NALF1: variants seen among roughly 807,000 people sequenced by gnomAD.
NALF1 encodes the protein family with sequence similarity 155 member A.
A neutral mutation model predicts 48.4 loss-of-function variants in NALF1; 3 were observed. The observed-to-expected ratio is 0.06, with a 90% CI of 0.03 to 0.16. The LOEUF is 0.16. Among genes scored for constraint, NALF1 ranks in the 10% least tolerant of loss-of-function variants. NALF1 has a pLI of 1.00. For synonymous variants in NALF1, 262 were observed against 245.7 expected, an observed-to-expected ratio of 1.07 and a Z score of -0.62; for missense variants, 526 against 571.5, an observed-to-expected ratio of 0.92 and a Z score of 0.81.
intron 1 of NALF1, among the ~76,000 whole-genome samples, chr13:107,630,057 G>C (rs1879790788): frequency 6.6e-6 from 1 of 152,050 alleles, no homozygotes; most frequent in Non-Finnish European, 1.5e-5. Flanking sequence ...TCTTCGCCTA[G>C]TTAGATCAAC....
At chr13:107,613,861 T>C (rs1339344765) in intron 1 of NALF1, among the ~76,000 whole-genome samples, 1 of 152,220 alleles carries the variant, frequency 6.6e-6, no homozygotes, top group Non-Finnish European at 1.5e-5. Context: ...ACAAGAAATC[T>C]ACACTCATGG....
At chr13:107,765,720 T>A (rs1190749077) in intron 1 of NALF1, among the ~76,000 whole-genome samples, 1 of 152,320 alleles carries the variant, frequency 6.6e-6, no homozygotes, top group Non-Finnish European at 1.5e-5. Flanking sequence ...GCATCATTTA[T>A]GAAACCTGGT....
At position 107,166,704 on chromosome 13, in the gene NALF1, A is replaced by C. The variant is rs1281625103; in HGVS notation, c.*3793T>G. 6.6e-6 allele frequency: 1 copy of C among 152,106 alleles called. No individual in the cohort carries two copies. The highest frequency in any genetic ancestry group is 2.4e-5 in the African/African-American group (1 of 41,418). The allele number at this position is 152,106 out of a possible 1,614,324, so 9.4% of individuals were successfully genotyped here. A position where few individuals can be genotyped will look rare whatever the true frequency, so the allele number is the denominator to read the frequency against. On this transcript the variant is annotated 3_prime_UTR_variant, in exon 3 of 3. Coordinates refer to ENST00000375915, the MANE Select transcript of NALF1 (RefSeq NM_001080396.3). ...ATGTTTTTTTCCCCCGGAAAAAAGT[A>C]TGTACTTATTCATTCATATGAAACC...
At chr13:107,238,785 C>T (rs902813675) in intron 1 of NALF1, among the ~76,000 whole-genome samples, 8 of 152,216 alleles carry the variant, frequency 5.3e-5, no homozygotes, top group Middle Eastern at 3.4e-3. Flanking sequence ...TGAAACCCAA[C>T]GGTGAGGTCA....
intron 1 of NALF1, among the ~76,000 whole-genome samples, chr13:107,323,942 C>A (rs1454797825): frequency 6.6e-6 from 1 of 152,056 alleles, no homozygotes; most frequent in Non-Finnish European, 1.5e-5. Context: ...AGACCCTATC[C>A]CTATGAATAA....
At chr13:107,286,172 TG>T in intron 1 of NALF1, among the ~76,000 whole-genome samples, 1 of 152,280 alleles carries the variant, frequency 6.6e-6, no homozygotes, top group East Asian at 1.9e-4. Context: ...GAATATAAAA[TG>T]GTTCGGCGGC....
At chr13:107,661,269 A>AT (rs764545248) in intron 1 of NALF1, among the ~76,000 whole-genome samples, 46 of 152,174 alleles carry the variant, frequency 3.0e-4, no homozygotes, top group Non-Finnish European at 7.3e-5. Flanking sequence ...ACTAGCATTA[A>AT]ATGAAAACCT....
chr13:107,621,447 T>A (rs1879515240), intron 1 of NALF1, among the ~76,000 whole-genome samples: 1 of 152,186 alleles, frequency 6.6e-6, no homozygotes, highest in Non-Finnish European at 1.5e-5. Flanking sequence ...CTAGGTTGGA[T>A]GGACATAAAA....
At chr13:107,227,046 T>C (rs1880121206) in intron 1 of NALF1, among the ~76,000 whole-genome samples, 1 of 152,232 alleles carries the variant, frequency 6.6e-6, no homozygotes, top group Non-Finnish European at 1.5e-5. Flanking sequence ...AGATTTCTTT[T>C]GACAAAACAG....
At chr13:107,305,237 T>C (rs1233124860) in intron 1 of NALF1, among the ~76,000 whole-genome samples, 2 of 152,196 alleles carry the variant, frequency 1.3e-5, no homozygotes, top group African/African-American at 4.8e-5. Context: ...TATTTTTTTC[T>C]TCACTTCTTT....
chr13:107,573,241 C>T (rs1410410796), intron 1 of NALF1, among the ~76,000 whole-genome samples: 1 of 152,198 alleles, frequency 6.6e-6, no homozygotes, highest in Non-Finnish European at 1.5e-5. Context: ...ATTGTTTTAA[C>T]ACTTTCCTAA....
chr13:107,526,743 G>A (rs1471110003), intron 1 of NALF1, among the ~76,000 whole-genome samples: 1 of 152,126 alleles, frequency 6.6e-6, no homozygotes, highest in African/African-American at 2.4e-5. Context: ...CAGCTCATGC[G>A]TGTGTTTAGA....
At chr13:107,780,030 CT>C (rs35078173) in intron 1 of NALF1, among the ~76,000 whole-genome samples, 27,742 of 133,880 alleles carry the variant, frequency 0.21, 2,413 homozygotes, top group Middle Eastern at 0.32. Flanking sequence ...CCAAGACATA[CT>C]TTTTTTTTTT....
rs151337657 is a variant in NALF1 at position 107,765,493 on chromosome 13, A to T, written c.915+100189T>A. Among the ~76,000 whole-genome samples, 364 of 152,332 alleles carry T rather than the reference A, an allele frequency of 2.4e-3. 4 individuals are homozygous for T. Among genetic ancestry groups the T allele is most frequent in the African/African-American group, 8.2e-3 (342 of 41,590 alleles). ...TTTATCTTGATTATCACGATATTATATAGCTCAGCACATAATCTTGCAAGC... is the reference window on the plus strand; with the variant it reads ...TTTATCTTGATTATCACGATATTATTTAGCTCAGCACATAATCTTGCAAGC... On this transcript the variant is annotated intron_variant, in intron 1 of 2. Transcript: ENST00000375915.
chr13:107,288,520 T>A (rs1270610336), intron 1 of NALF1, among the ~76,000 whole-genome samples: 20 of 115,566 alleles, frequency 1.7e-4, no homozygotes, highest in South Asian at 9.4e-4. Flanking sequence ...GCGCCCAGCC[T>A]GAAAACTTTT....
chr13:107,168,718 A>T lies in NALF1; in HGVS notation c.*1779T>A, dbSNP rs577921086. The T allele has an allele frequency of 2.4e-4, 37 of 152,344 alleles. No individual in the cohort carries two copies. The highest frequency in any genetic ancestry group is 7.7e-4 in the African/African-American group (32 of 41,338). 9.4% of individuals were successfully genotyped at this position (152,344 alleles called of 1,614,324 possible). The stretch of plus-strand genomic sequence containing the variant: ...TATTCTTAACAGACTGGAACGAAAC[A>T]TTTTTTTTCAAAACAAAATATGCAT... On this transcript the variant is annotated 3_prime_UTR_variant, in exon 3 of 3. Coordinates refer to ENST00000375915, the MANE Select transcript of NALF1 (RefSeq NM_001080396.3).
chr13:107,733,879 C>T (rs935258839), intron 1 of NALF1, among the ~76,000 whole-genome samples: 1 of 152,016 alleles, frequency 6.6e-6, no homozygotes, highest in Non-Finnish European at 1.5e-5. Flanking sequence ...AGGATATGAA[C>T]TGGGAAATGG....
intron 1 of NALF1, among the ~76,000 whole-genome samples, chr13:107,748,094 C>T (rs1876834645): frequency 6.6e-6 from 1 of 152,142 alleles, no homozygotes; most frequent in Non-Finnish European, 1.5e-5. Flanking sequence ...CTAGCTGCAG[C>T]ATCCTCAGTT....
intron 1 of NALF1, among the ~76,000 whole-genome samples, chr13:107,698,722 G>A (rs1036677576): frequency 1.3e-5 from 2 of 152,096 alleles, no homozygotes; most frequent in Non-Finnish European, 1.5e-5. Context: ...ACAACAGTAT[G>A]CAGAATAAGA....
Sources: allele counts gnomAD v4.1 joint callset (sites outside exome capture counted in the v4.1 genomes callset), GRCh38; gene constraint gnomAD v4.1.1; transcripts MANE v1.5; gene names NCBI Gene and HGNC (gene_info 2026-07-23, HGNC 2026-07-21).